CPNE8: variants seen among roughly 807,000 people sequenced by gnomAD.
CPNE8 encodes copine 8.
Under a neutral mutation model 81.5 loss-of-function variants are expected in CPNE8, and 45 were observed. The observed-to-expected ratio is 0.55, with a 90% CI of 0.44 to 0.71. The LOEUF (loss-of-function observed/expected upper bound fraction) is 0.71, where lower values mean the gene tolerates loss of function less well. CPNE8 is among the 30% of genes least tolerant of loss of function. The pLI, the probability that CPNE8 is intolerant of heterozygous loss-of-function variation, is 0.00. For missense variants in CPNE8, 594 were observed against 672.1 expected (o/e 0.88, Z 1.28); for synonymous variants, 252 against 226.3 (o/e 1.11, Z -1.02).
intron 14 of CPNE8, among the ~76,000 whole-genome samples, chr12:38,702,078 G>A (rs1329458340): frequency 1.3e-5 from 2 of 152,190 alleles, no homozygotes; most frequent in South Asian, 4.1e-4. Flanking sequence ...AAACGTGAAT[G>A]ATTGTGAAAT....
At chr12:38,891,372 A>G (rs1592159359) in intron 1 of CPNE8, among the ~76,000 whole-genome samples, 1 of 152,212 alleles carries the variant, frequency 6.6e-6, no homozygotes, top group Non-Finnish European at 1.5e-5. Flanking sequence ...TATATAAACA[A>G]AGATTAAATA....
chr12:38,807,791 A>C (rs1942845819), intron 6 of CPNE8, among the ~76,000 whole-genome samples: 1 of 151,958 alleles, frequency 6.6e-6, no homozygotes, highest in Non-Finnish European at 1.5e-5. Flanking sequence ...ACAGCAAAAG[A>C]AACTGCCATC....
chr12:38,800,177 C>T (rs938011408), intron 6 of CPNE8, among the ~76,000 whole-genome samples: 1 of 117,786 alleles, frequency 8.5e-6, no homozygotes, highest in Non-Finnish European at 1.9e-5. Flanking sequence ...GGCCTGCCTG[C>T]CTCTGTAGGC....
intron 3 of CPNE8, among the ~76,000 whole-genome samples, chr12:38,854,644 C>T (rs1024334894): frequency 4.0e-5 from 6 of 151,848 alleles, no homozygotes; most frequent in African/African-American, 1.2e-4. Flanking sequence ...TGATACAGTA[C>T]GTTAACAGAA....
At chr12:38,898,802 G>A (rs1944421975) in intron 1 of CPNE8, among the ~76,000 whole-genome samples, 1 of 152,142 alleles carries the variant, frequency 6.6e-6, no homozygotes, top group Non-Finnish European at 1.5e-5. Context: ...TCCAAAAAGG[G>A]TCAGACACTC....
intron 4 of CPNE8, 46 bp from the exon 5 acceptor site, chr12:38,840,001 G>A (rs1253029718): frequency 2.0e-6 from 3 of 1,505,818 alleles, no homozygotes; most frequent in South Asian, 2.5e-5. Context: ...ACAAAATACA[G>A]CTAGAAAAAA....
intron 5 of CPNE8, among the ~76,000 whole-genome samples, chr12:38,838,964 G>A (rs1943426618): frequency 6.6e-6 from 1 of 151,920 alleles, no homozygotes; most frequent in Non-Finnish European, 1.5e-5. Flanking sequence ...GAAATCACAT[G>A]CCCATCTATT....
intron 9 of CPNE8, 33 bp from the exon 10 acceptor site, chr12:38,760,921 CTTAG>C: frequency 6.8e-7 from 1 of 1,475,286 alleles, no homozygotes; most frequent in Non-Finnish European, 9.2e-7. Flanking sequence ...CATAAAGTTA[CTTAG>C]TAAGATCAAA....
intron 13 of CPNE8, among the ~76,000 whole-genome samples, chr12:38,712,035 G>GA (rs992279813): frequency 7.2e-5 from 11 of 151,968 alleles, no homozygotes; most frequent in East Asian, 5.8e-4. Context: ...TTTGATGAAT[G>GA]AAAGTACTTG....
chr12:38,687,652 G>T (rs964072917), intron 15 of CPNE8, among the ~76,000 whole-genome samples: 4 of 152,102 alleles, frequency 2.6e-5, no homozygotes, highest in African/African-American at 7.2e-5. Flanking sequence ...AAAGTGCTGG[G>T]ATTACAGGCG....
chr12:38,720,048 C>T (rs1309914575), intron 13 of CPNE8, among the ~76,000 whole-genome samples: 3 of 151,998 alleles, frequency 2.0e-5, no homozygotes, highest in Non-Finnish European at 4.4e-5. Flanking sequence ...TGCAGTGGTG[C>T]GATCTTGGCT....
At chr12:38,697,916 C>T (rs2136680993) in intron 14 of CPNE8, among the ~76,000 whole-genome samples, 1 of 152,250 alleles carries the variant, frequency 6.6e-6, no homozygotes, top group South Asian at 2.1e-4. Context: ...ATGCTGGTGC[C>T]ATGCTTATAC....
intron 9 of CPNE8, among the ~76,000 whole-genome samples, chr12:38,761,506 TTAA>T (rs1198447240): frequency 1.3e-5 from 2 of 152,364 alleles, no homozygotes; most frequent in Admixed American, 6.5e-5. Context: ...CAAAGAAAAC[TTAA>T]TAATAGTTCT....
intron 6 of CPNE8, among the ~76,000 whole-genome samples, chr12:38,799,649 A>G (rs988390162): frequency 2.6e-5 from 4 of 152,072 alleles, no homozygotes; most frequent in African/African-American, 9.7e-5. Context: ...AGAAAAGTGG[A>G]GGAGTCAAGA....
At chr12:38,811,259 G>A (rs1174145532) in intron 6 of CPNE8, among the ~76,000 whole-genome samples, 1 of 151,712 alleles carries the variant, frequency 6.6e-6, no homozygotes, top group Non-Finnish European at 1.5e-5. Flanking sequence ...CTATCAACTT[G>A]ATGTTAGGTA....
chr12:38,724,741 C>T, intron 12 of CPNE8, 105 bp downstream of exon 12: 1 of 742,986 alleles, frequency 1.3e-6, no homozygotes, highest in South Asian at 1.9e-5. Context: ...GAGTGAAACA[C>T]AGCTCAGTTT....
intron 1 of CPNE8, among the ~76,000 whole-genome samples, chr12:38,880,425 G>A (rs1944135515): frequency 6.6e-6 from 1 of 152,088 alleles, no homozygotes; most frequent in Admixed American, 6.5e-5. Flanking sequence ...TTTCACTTTA[G>A]GTAAGGTTAG....
intron 1 of CPNE8, among the ~76,000 whole-genome samples, chr12:38,886,506 C>T (rs77625047): frequency 5.9e-5 from 9 of 152,208 alleles, no homozygotes; most frequent in South Asian, 2.1e-4. Flanking sequence ...CAAATTCATT[C>T]GAAAATATTC....
At chr12:38,707,262 T>C (rs1940131697) in intron 13 of CPNE8, among the ~76,000 whole-genome samples, 1 of 152,148 alleles carries the variant, frequency 6.6e-6, no homozygotes, top group African/African-American at 2.4e-5. Flanking sequence ...TGCGGTGAGC[T>C]ATACTTGCAC....
Sources: gnomAD v4.1 joint callset for allele counts (sites outside exome capture counted in the v4.1 genomes callset) on GRCh38, gnomAD v4.1.1 for gene constraint, MANE v1.5 for transcripts, NCBI Gene and HGNC (gene_info 2026-07-23, HGNC 2026-07-21) for gene names.